DMD: variants seen among roughly 807,000 people sequenced by gnomAD.
The protein encoded by DMD is dystrophin.
In DMD, 63 loss-of-function variants were observed where a neutral mutation model predicts 330.1. The ratio of observed to expected loss-of-function variants is 0.19; its 90% CI spans 0.16 to 0.24. The LOEUF (loss-of-function observed/expected upper bound fraction) is 0.24, where lower values mean the gene tolerates loss of function less well. Ranked by LOEUF, DMD falls within the 10% of genes least tolerant of loss-of-function variation. The pLI is 1.00. For missense variants in DMD, 3,344 were observed against 2,684.1 expected (o/e 1.25, Z -5.43); for synonymous variants, 1,223 against 959.8 (o/e 1.27, Z -5.07).
intron 43 of DMD, among the ~76,000 whole-genome samples, chrX:32,221,578 C>T (rs934991207): frequency 1.8e-5 from 2 of 111,326 alleles, no homozygotes; most frequent in African/African-American, 6.5e-5. Context: ...ATTCAATAGT[C>T]TTTGGAATAC....
At chrX:32,747,984 C>T (rs749570199) in intron 7 of DMD, among the ~76,000 whole-genome samples, 1 of 111,634 alleles carries the variant, frequency 9.0e-6, no homozygotes, top group Admixed American at 9.5e-5. Context: ...AGAAGCTACT[C>T]TTTATTTGGT....
intron 41 of DMD, among the ~76,000 whole-genome samples, chrX:32,319,962 A>G (rs1429237864): frequency 2.7e-5 from 3 of 110,738 alleles, no homozygotes; most frequent in African/African-American, 9.8e-5. Flanking sequence ...AATACTTGCT[A>G]TAGCAATCTT....
At chrX:32,794,885 TGAGA>T (rs1431329194) in intron 7 of DMD, among the ~76,000 whole-genome samples, 1 of 111,753 alleles carries the variant, frequency 8.9e-6, no homozygotes, top group Non-Finnish European at 1.9e-5. Flanking sequence ...ATGAACTGGC[TGAGA>T]AAGAAATCAA....
chrX:32,505,618 G>A (rs1057018968), intron 18 of DMD, among the ~76,000 whole-genome samples: 1 of 111,799 alleles, frequency 8.9e-6, no homozygotes, highest in Non-Finnish European at 1.9e-5. Context: ...TCTTACAAAA[G>A]TAAACATTCT....
At chrX:32,349,208 C>A in intron 37 of DMD, among the ~76,000 whole-genome samples, 1 of 111,448 alleles carries the variant, frequency 9.0e-6, no homozygotes, top group East Asian at 2.8e-4. Context: ...ACTTTAAAAT[C>A]TCTTGACTTT....
At position 31,934,292 on chromosome X, in the gene DMD, A is replaced by C. The variant is rs149220525; in HGVS notation, c.6615-2065T>G. Among the ~76,000 whole-genome samples, 751 of 111,474 alleles carry C rather than the reference A, an allele frequency of 6.7e-3. 4 individuals carry two copies. The highest frequency in any genetic ancestry group is 0.023 in the African/African-American group (712 of 30,714). ...GAACTACAGTTGCGATCATTCTGTAAATCAGAATCTGGTTATTGGACTTAT... is the reference window on the plus strand; with the variant it reads ...GAACTACAGTTGCGATCATTCTGTACATCAGAATCTGGTTATTGGACTTAT... On this transcript the variant is annotated intron_variant, in intron 45 of 78. Transcript: ENST00000357033.
intron 30 of DMD, among the ~76,000 whole-genome samples, chrX:32,396,127 C>T (rs1038506421): frequency 3.6e-5 from 4 of 110,745 alleles, no homozygotes; most frequent in African/African-American, 1.3e-4. Flanking sequence ...TACATATAAC[C>T]AAACACTCGA....
chrX:32,558,577 T>G (rs1374104580), intron 16 of DMD, among the ~76,000 whole-genome samples: 1 of 111,553 alleles, frequency 9.0e-6, no homozygotes, highest in South Asian at 3.7e-4. Flanking sequence ...TCATTATTTT[T>G]TAGCTGCCTT....
At chrX:31,422,748 T>C (rs1305834313) in intron 60 of DMD, among the ~76,000 whole-genome samples, 3 of 111,963 alleles carry the variant, frequency 2.7e-5, no homozygotes, top group South Asian at 3.7e-4. Flanking sequence ...CTTTGGAAAG[T>C]ATCCTATGGA....
chrX:31,943,892 A>T (rs892745612), intron 45 of DMD, among the ~76,000 whole-genome samples: 1 of 64,016 alleles, frequency 1.6e-5, no homozygotes. Flanking sequence ...AGAGAGAGAG[A>T]GAGAGAGAGA....
At chrX:31,296,137 T>C (rs1156232651) in intron 62 of DMD, among the ~76,000 whole-genome samples, 1 of 111,275 alleles carries the variant, frequency 9.0e-6, no homozygotes, top group African/African-American at 3.3e-5. Context: ...GGATTATTCA[T>C]GAAAAGATAG....
chrX:31,299,478 C>A (rs777498346), intron 62 of DMD, among the ~76,000 whole-genome samples: 5 of 111,554 alleles, frequency 4.5e-5, no homozygotes, highest in African/African-American at 6.5e-5. Context: ...ACTAATTGTT[C>A]GTTTAGAAAA....
At chrX:32,899,285 A>T (rs965196327) in intron 2 of DMD, among the ~76,000 whole-genome samples, 5 of 110,666 alleles carry the variant, frequency 4.5e-5, no homozygotes, top group Non-Finnish European at 7.6e-5. Flanking sequence ...TTAATTGTGG[A>T]CTCCATTCAC....
intron 44 of DMD, among the ~76,000 whole-genome samples, chrX:32,090,953 C>G (rs1236345107): frequency 1.8e-5 from 2 of 111,814 alleles, no homozygotes; most frequent in African/African-American, 6.5e-5. Flanking sequence ...GAAAAGCATG[C>G]TCTGTCATTT....
At chrX:32,816,863 C>T (rs2077805594) in intron 5 of DMD, among the ~76,000 whole-genome samples, 1 of 111,629 alleles carries the variant, frequency 9.0e-6, no homozygotes, top group South Asian at 3.7e-4. Context: ...AATGTGTTCA[C>T]TATTACTCCT....
chrX:32,724,717 T>C (rs1490388282), intron 7 of DMD, among the ~76,000 whole-genome samples: 2 of 111,741 alleles, frequency 1.8e-5, no homozygotes, highest in African/African-American at 3.2e-5. Flanking sequence ...ACTGAATAAC[T>C]TTATTAGCTC....
chrX:32,849,320 T>C (rs938348135), intron 3 of DMD, among the ~76,000 whole-genome samples: 14 of 111,721 alleles, frequency 1.3e-4, no homozygotes, highest in African/African-American at 4.2e-4. Flanking sequence ...TCACATATGC[T>C]ATCACGTATT....
At chrX:32,816,391 A>C (rs891411048) in intron 6 of DMD, 77 bp downstream of exon 6, 2 of 1,103,136 alleles carry the variant, frequency 1.8e-6, no homozygotes, top group Non-Finnish European at 2.5e-6. Context: ...ATCTGGAACC[A>C]TACTGGGGAA....
intron 44 of DMD, among the ~76,000 whole-genome samples, chrX:32,009,800 C>A (rs1455614076): frequency 9.0e-6 from 1 of 111,474 alleles, no homozygotes; most frequent in Admixed American, 9.5e-5. Context: ...AGAAAAATGA[C>A]CCAAATTTAT....
Sources: allele counts gnomAD v4.1 joint callset (sites outside exome capture counted in the v4.1 genomes callset), GRCh38; gene constraint gnomAD v4.1.1; transcripts MANE v1.5; gene names NCBI Gene and HGNC (gene_info 2026-07-23, HGNC 2026-07-21).